BAIAP2: variants seen among roughly 807,000 people sequenced by gnomAD.
BAIAP2 encodes the protein BAR/IMD domain containing adaptor protein 2.
In BAIAP2, 18 loss-of-function variants were observed where a neutral mutation model predicts 63.0. The ratio of observed to expected loss-of-function variants is 0.29; its 90% CI spans 0.20 to 0.42. The LOEUF (loss-of-function observed/expected upper bound fraction) is 0.42, where lower values mean the gene tolerates loss of function less well. BAIAP2 is among the 10% of genes least tolerant of loss of function. BAIAP2 has a pLI of 1.00. For missense variants in BAIAP2, 610 were observed against 734.3 expected (o/e 0.83, Z 1.96); for synonymous variants, 386 against 307.6 (o/e 1.25, Z -2.67).
chr17:81,104,156 C>T lies in BAIAP2; in HGVS notation c.1066+48C>T, dbSNP rs1173441838. 3.1e-6 allele frequency: 5 copies of T among 1,596,374 alleles called. No individual in the cohort carries two copies. In the Admixed American group the frequency reaches 5.1e-5, roughly 16 times the overall value. ...GGGCTGGGGTCCCTGGACGTGCCTC[C>T]TCAGACCCTACAGTCATGCCACAAC... On this transcript the variant is annotated intron_variant, in intron 9 of 13. Coordinates refer to ENST00000428708, the MANE Select transcript of BAIAP2 (RefSeq NM_001144888.2).
chr17:81,055,629 T>G (rs1296271049), intron 2 of BAIAP2, among the ~76,000 whole-genome samples: 4 of 140,236 alleles, frequency 2.9e-5, no homozygotes, highest in East Asian at 2.2e-4. Flanking sequence ...GCAGTGGCGC[T>G]ATCTTGGCTC....
intron 3 of BAIAP2, among the ~76,000 whole-genome samples, chr17:81,063,072 G>GGAGCGGGGACCT (rs1462145569): frequency 6.6e-6 from 1 of 152,150 alleles, no homozygotes; most frequent in Non-Finnish European, 1.5e-5. Context: ...AGGGCCCACA[G>GGAGCGGGGACCT]GAGCGGGGAC....
At chr17:81,070,108 G>A (rs2052324882) in intron 3 of BAIAP2, among the ~76,000 whole-genome samples, 1 of 152,140 alleles carries the variant, frequency 6.6e-6, no homozygotes, top group Admixed American at 6.5e-5. Flanking sequence ...ACAGGTGTGT[G>A]CTGTCACGCC....
At chr17:81,054,934 T>TG (rs1010274822) in intron 2 of BAIAP2, among the ~76,000 whole-genome samples, 2 of 152,142 alleles carry the variant, frequency 1.3e-5, no homozygotes, top group Non-Finnish European at 1.5e-5. Context: ...TTGCTATTCT[T>TG]GGACAGTGAC....
intron 3 of BAIAP2, among the ~76,000 whole-genome samples, chr17:81,072,123 G>A (rs561816997): frequency 7.7e-4 from 118 of 152,290 alleles, no homozygotes; most frequent in African/African-American, 2.7e-3. Context: ...TGCCCTCCCC[G>A]GCTGGCTCCA....
chr17:81,052,305 C>G (rs1226156186), intron 1 of BAIAP2, among the ~76,000 whole-genome samples: 1 of 152,270 alleles, frequency 6.6e-6, no homozygotes, highest in Non-Finnish European at 1.5e-5. Context: ...GTCCTGCCTT[C>G]CCTCGGGAGA....
intron 6 of BAIAP2, among the ~76,000 whole-genome samples, chr17:81,088,222 G>C (rs2056060080): frequency 6.6e-6 from 1 of 152,134 alleles, no homozygotes; most frequent in Admixed American, 6.5e-5. Flanking sequence ...GGCCAGGTGT[G>C]AGAGCTTGTC....
At chr17:81,102,320 G>A (rs2058604481) in intron 7 of BAIAP2, among the ~76,000 whole-genome samples, 2 of 152,060 alleles carry the variant, frequency 1.3e-5, no homozygotes, top group African/African-American at 2.4e-5. Flanking sequence ...CTGCGAGGTC[G>A]GTGTCCCTCG....
At position 81,036,033 on chromosome 17, in the gene BAIAP2, C is replaced by G. The variant is rs1268118490; in HGVS notation, c.54+725C>G. The G allele has an allele frequency of 2.0e-5, 3 of 152,354 alleles. No homozygotes were observed. In the East Asian group the frequency reaches 5.8e-4, roughly 29 times the overall value. The allele number at this position is 152,354 out of a possible 1,614,324, so 9.4% of individuals were successfully genotyped here. Reference sequence around the variant, plus strand: ...CTTCAGATGTGTTAAGAGTGGCATCCACGTTCTCGTCTGCGAAATGACAGG... The same window carrying G: ...CTTCAGATGTGTTAAGAGTGGCATCGACGTTCTCGTCTGCGAAATGACAGG... On this transcript the variant is annotated intron_variant, in intron 1 of 13. Transcript: ENST00000428708.
intron 4 of BAIAP2, 164 bp downstream of exon 4, chr17:81,085,057 G>T: frequency 1.4e-6 from 1 of 720,858 alleles, no homozygotes. Context: ...CTCGAAGGAG[G>T]ACGTCGGAGA....
intron 1 of BAIAP2, among the ~76,000 whole-genome samples, chr17:81,047,049 C>T (rs765721016): frequency 1.9e-4 from 29 of 151,960 alleles, no homozygotes; most frequent in Middle Eastern, 3.4e-3. Flanking sequence ...GGTCCGTGGG[C>T]GAGGGAGTGG....
chr17:81,101,420 C>G (rs2058466291), intron 7 of BAIAP2, among the ~76,000 whole-genome samples: 1 of 152,140 alleles, frequency 6.6e-6, no homozygotes, highest in Middle Eastern at 3.2e-3. Flanking sequence ...CCCTGTTCAC[C>G]CATAGTCCAT....
chr17:81,101,412 C>A (rs949962548), intron 7 of BAIAP2, among the ~76,000 whole-genome samples: 1 of 152,186 alleles, frequency 6.6e-6, no homozygotes, highest in Non-Finnish European at 1.5e-5. Flanking sequence ...CAGCAGGCCC[C>A]TGTTCACCCA....
intron 6 of BAIAP2, among the ~76,000 whole-genome samples, chr17:81,098,855 TG>T (rs2058071971): frequency 6.6e-6 from 1 of 152,224 alleles, no homozygotes; most frequent in Non-Finnish European, 1.5e-5. Context: ...CTGGCTGCCC[TG>T]GTTCTAGGGT....
At chr17:81,084,611 G>A (rs1193596507) in intron 3 of BAIAP2, among the ~76,000 whole-genome samples, 1 of 152,184 alleles carries the variant, frequency 6.6e-6, no homozygotes, top group Non-Finnish European at 1.5e-5. Context: ...AAGATGCCAG[G>A]CGTGCTGTGC....
intron 6 of BAIAP2, among the ~76,000 whole-genome samples, chr17:81,091,885 G>A (rs2056834677): frequency 6.6e-6 from 1 of 152,242 alleles, no homozygotes; most frequent in Non-Finnish European, 1.5e-5. Flanking sequence ...TCACCTGGCA[G>A]CCTAGAGCTG....
At position 81,116,129 on chromosome 17, in the gene BAIAP2, C is replaced by T. The variant is rs543266470; in HGVS notation, c.*290C>T. The stretch of plus-strand genomic sequence containing the variant: ...CACATGGCCATGGAGCCTTGGGTAC[C>T]CCTGAGTTAAGGGAGGACATTTGGC... On this transcript the variant is annotated 3_prime_UTR_variant, in exon 14 of 14. Transcript: ENST00000428708. The T allele has an allele frequency of 1.8e-5, 28 of 1,581,330 alleles. No homozygotes were observed. The highest frequency in any genetic ancestry group is 2.1e-5 in the Non-Finnish European group (25 of 1,164,718).
chr17:81,097,518 C>T (rs956208465), intron 6 of BAIAP2: 3 of 152,284 alleles, frequency 2.0e-5, no homozygotes, highest in Non-Finnish European at 4.4e-5. Context: ...TGAGTCAGAG[C>T]TGTAGGCGGG....
At chr17:81,098,112 G>A in intron 6 of BAIAP2, 1 of 1,393,970 alleles carries the variant, frequency 7.2e-7, no homozygotes, top group Non-Finnish European at 9.4e-7. Context: ...CGGGGGGTGG[G>A]GAGGCATGCT....
Sources: allele counts gnomAD v4.1 joint callset (sites outside exome capture counted in the v4.1 genomes callset), GRCh38; gene constraint gnomAD v4.1.1; transcripts MANE v1.5; gene names NCBI Gene and HGNC (gene_info 2026-07-23, HGNC 2026-07-21).